Variants in EFCAB5 observed in about 807,000 individuals in gnomAD.
EFCAB5 encodes EF-hand calcium-binding domain-containing protein 5.
A neutral mutation model predicts 167.9 loss-of-function variants in EFCAB5; 131 were observed. The observed-to-expected ratio is 0.78, with a 90% CI of 0.68 to 0.90. EFCAB5 has a LOEUF of 0.90. EFCAB5 is among the 40% of genes least tolerant of loss of function. The pLI, the probability that EFCAB5 is intolerant of heterozygous loss-of-function variation, is 0.00. For synonymous variants in EFCAB5, 574 were observed against 602.8 expected (o/e 0.95, Z 0.70); for missense variants, 1,663 against 1,745.2 (o/e 0.95, Z 0.84).
At chr17:30,014,804 G>C (rs924943456) in intron 7 of EFCAB5, among the ~76,000 whole-genome samples, 2 of 152,074 alleles carry the variant, frequency 1.3e-5, no homozygotes, top group Non-Finnish European at 2.9e-5. Flanking sequence ...TTACATTTAA[G>C]GTTAATATTG....
chr17:30,095,475 C>T (rs1204515915), intron 22 of EFCAB5, among the ~76,000 whole-genome samples: 1 of 152,132 alleles, frequency 6.6e-6, no homozygotes, highest in Non-Finnish European at 1.5e-5. Flanking sequence ...ACTCACAGTC[C>T]TAATTAACTT....
At chr17:29,993,374 G>T in intron 5 of EFCAB5, 53 bp downstream of exon 5, 1 of 1,559,594 alleles carries the variant, frequency 6.4e-7, no homozygotes, top group South Asian at 1.2e-5. Context: ...TGGTAAAAGG[G>T]CAATTGCTAG....
At chr17:30,043,954 A>G (rs1372534308) in intron 8 of EFCAB5, among the ~76,000 whole-genome samples, 1 of 152,168 alleles carries the variant, frequency 6.6e-6, no homozygotes, top group Non-Finnish European at 1.5e-5. Context: ...ACCAAAATAT[A>G]AAATTCTGCT....
At chr17:30,073,901 A>C (rs189056248) in intron 14 of EFCAB5, 16 of 301,178 alleles carry the variant, frequency 5.3e-5, no homozygotes, top group Non-Finnish European at 8.7e-5. Context: ...CTCTTAAAAA[A>C]AATAAATAAA....
At chr17:30,059,787 G>T (rs1275392901) in intron 14 of EFCAB5, 86 bp downstream of exon 14, 6 of 1,155,186 alleles carry the variant, frequency 5.2e-6, no homozygotes, top group Non-Finnish European at 4.6e-6. Flanking sequence ...TAAAATACTG[G>T]TTATGCTAAA....
At chr17:30,073,552 G>T in intron 14 of EFCAB5, 3 of 582,726 alleles carry the variant, frequency 5.1e-6, no homozygotes, top group South Asian at 4.6e-5. Context: ...GTAAATTATA[G>T]AAATCAATAC....
intron 14 of EFCAB5, chr17:30,069,455 C>T (rs1187020869): frequency 6.4e-7 from 1 of 1,569,692 alleles, no homozygotes; most frequent in Non-Finnish European, 8.8e-7. Flanking sequence ...GGTTTTGCAA[C>T]AGGAAGCTGA....
At chr17:30,073,334 G>A (rs756454789) in intron 14 of EFCAB5, 8 of 545,300 alleles carry the variant, frequency 1.5e-5, no homozygotes, top group African/African-American at 5.8e-5. Flanking sequence ...TGGGATTACA[G>A]GCATGAGCCA....
intron 15 of EFCAB5, among the ~76,000 whole-genome samples, chr17:30,078,857 T>C (rs909113246): frequency 1.3e-5 from 2 of 152,236 alleles, no homozygotes; most frequent in Non-Finnish European, 2.9e-5. Flanking sequence ...TCAAGCTACA[T>C]TTCCCTTGCA....
intron 4 of EFCAB5, among the ~76,000 whole-genome samples, chr17:29,982,764 T>C (rs2068204316): frequency 6.6e-6 from 1 of 152,230 alleles, no homozygotes; most frequent in Non-Finnish European, 1.5e-5. Context: ...CCACTTAAGC[T>C]GATTAGAACC....
chr17:30,069,302 G>T, intron 14 of EFCAB5: 1 of 1,497,084 alleles, frequency 6.7e-7, no homozygotes, highest in Non-Finnish European at 9.3e-7. Flanking sequence ...AGGTGAAGAT[G>T]AGTTATCCCC....
chr17:29,996,768 C>T (rs76820992), intron 6 of EFCAB5, among the ~76,000 whole-genome samples: 2 of 152,192 alleles, frequency 1.3e-5, no homozygotes, highest in East Asian at 3.9e-4. Context: ...TGAACACTGC[C>T]TCCGTAAATT....
At chr17:30,041,628 C>T (rs943220684) in intron 8 of EFCAB5, among the ~76,000 whole-genome samples, 1 of 152,232 alleles carries the variant, frequency 6.6e-6, no homozygotes, top group African/African-American at 2.4e-5. Context: ...AAAGAATTGA[C>T]TCCAATTTTG....
chr17:29,988,852 C>A (rs1274356379), intron 4 of EFCAB5, among the ~76,000 whole-genome samples: 1 of 152,136 alleles, frequency 6.6e-6, no homozygotes, highest in Non-Finnish European at 1.5e-5. Context: ...AGATCTTGCT[C>A]TTGAACAATA....
At chr17:30,099,471 C>G (rs73274855) in intron 22 of EFCAB5, among the ~76,000 whole-genome samples, 8,773 of 152,048 alleles carry the variant, frequency 0.058, 826 homozygotes, top group African/African-American at 0.2. Flanking sequence ...AAGTCTGAAG[C>G]CTTTCTAAAT....
At position 30,055,376 on chromosome 17, in the gene EFCAB5, GGAAGGA is replaced by G; in HGVS notation, c.2195-511_2195-506del. Among the ~76,000 whole-genome samples the G allele has an allele frequency of 1.3e-5, 2 of 149,378 alleles. 1 individual carries two copies. The highest frequency in any genetic ancestry group is 3.0e-5 in the Non-Finnish European group (2 of 67,254). ...AGGAAGGAAGGAAGGAAGGAAGGAAGGAAGGAAGGTTCGTTCTCAACTTAGTAAGGA... is the reference window on the plus strand; with the variant it reads ...AGGAAGGAAGGAAGGAAGGAAGGAAGAGGTTCGTTCTCAACTTAGTAAGGA... On this transcript the variant is annotated intron_variant, in intron 10 of 22. Transcript: ENST00000394835.
chr17:30,094,442 G>T (rs2071255967), intron 22 of EFCAB5, among the ~76,000 whole-genome samples: 1 of 150,276 alleles, frequency 6.7e-6, no homozygotes, highest in Non-Finnish European at 1.5e-5. Flanking sequence ...AGGCCAACGT[G>T]GGCAGATTGC....
chr17:30,055,951 GA>G lies in EFCAB5; in HGVS notation c.2261del (p.Lys754SerfsTer14). The G allele has an allele frequency of 1.2e-6, 2 of 1,613,662 alleles. No homozygotes were observed. The highest frequency in any genetic ancestry group is 1.7e-6 in the Non-Finnish European group (2 of 1,179,776). On this transcript the variant is annotated frameshift_variant, in exon 11 of 23. Coordinates refer to ENST00000394835, the MANE Select transcript of EFCAB5 (RefSeq NM_198529.4). LOFTEE classifies it high-confidence loss of function. ...GAACCCAAGTCCCAAAAAATAGAAG[GA>G]AAGTCATGGTCAGGTAACTCCTCAT... is the stretch of plus-strand genomic sequence containing the variant. ...PCEPKSQKIE[G>X]KSWSGEFFTC...
intron 4 of EFCAB5, among the ~76,000 whole-genome samples, chr17:29,981,557 G>A (rs1440262081): frequency 6.6e-6 from 1 of 152,116 alleles, no homozygotes; most frequent in African/African-American, 2.4e-5. Flanking sequence ...GGTTTCCTCT[G>A]CTACAATATA....
Sources: gnomAD v4.1 joint callset for allele counts (sites outside exome capture counted in the v4.1 genomes callset) on GRCh38, gnomAD v4.1.1 for gene constraint, MANE v1.5 for transcripts, NCBI Gene and HGNC (gene_info 2026-07-23, HGNC 2026-07-21) for gene names.